Variants in PSD3 observed in about 807,000 individuals in gnomAD.
PSD3 encodes the protein pleckstrin and Sec7 domain containing 3.
In PSD3, 49 loss-of-function variants were observed where a neutral mutation model predicts 105.5. The ratio of observed to expected loss-of-function variants is 0.46; its 90% CI spans 0.37 to 0.59. The LOEUF (loss-of-function observed/expected upper bound fraction) is 0.59. Ranked by LOEUF, PSD3 falls within the 20% of genes least tolerant of loss-of-function variation. PSD3 has a pLI of 0.00. For synonymous variants in PSD3, 557 were observed against 457.8 expected, an observed-to-expected ratio of 1.22 and a Z score of -2.77; for missense variants, 1,561 against 1,263.8, an observed-to-expected ratio of 1.24 and a Z score of -3.57.
At position 18,552,217 on chromosome 8, in the gene PSD3, A is replaced by C. The variant is rs1800810672; in HGVS notation, c.2928+3992T>G. ...AATTCCCCTGTAGTAAATCTCTTGT[A>C]GCCCAGTCATGGATTTAATAGGCTT... On this transcript the variant is annotated intron_variant, in intron 15 of 15. Coordinates refer to ENST00000327040, the MANE Select transcript of PSD3 (RefSeq NM_015310.4). Among the ~76,000 whole-genome samples the C allele has an allele frequency of 2.0e-5, 3 of 152,176 alleles. No individual in the cohort carries two copies. The South Asian group carries it at 6.2e-4, about 31-fold the overall frequency.
intron 4 of PSD3, among the ~76,000 whole-genome samples, chr8:18,831,943 T>A (rs565473281): frequency 6.6e-6 from 1 of 152,128 alleles, no homozygotes; most frequent in South Asian, 2.1e-4. Context: ...AAGTTTACTA[T>A]AACTTGAGAA....
At chr8:18,801,232 G>C (rs1487790107) in intron 7 of PSD3, 38 bp downstream of exon 7, 3 of 1,261,786 alleles carry the variant, frequency 2.4e-6, no homozygotes, top group Admixed American at 2.1e-5. Flanking sequence ...AATAACCATT[G>C]ATATAAAAAA....
intron 1 of PSD3, among the ~76,000 whole-genome samples, chr8:18,967,398 A>G (rs1824341267): frequency 6.6e-6 from 1 of 151,446 alleles, no homozygotes; most frequent in African/African-American, 2.4e-5. Flanking sequence ...AAGGTGATCC[A>G]CTCCCAAAGT....
At chr8:18,860,728 T>A (rs1319766463) in intron 4 of PSD3, among the ~76,000 whole-genome samples, 1 of 152,214 alleles carries the variant, frequency 6.6e-6, no homozygotes, top group African/African-American at 2.4e-5. Context: ...AATATGGTGC[T>A]AAGAGACCTC....
At chr8:18,976,913 T>G (rs10435705) in intron 1 of PSD3, among the ~76,000 whole-genome samples, 44,116 of 152,068 alleles carry the variant, frequency 0.29, 7,188 homozygotes, top group Non-Finnish European at 0.37. Flanking sequence ...GTGGCTGTTA[T>G]AGAGAATGAG....
intron 4 of PSD3, among the ~76,000 whole-genome samples, chr8:18,857,054 G>T (rs1444434739): frequency 6.6e-6 from 1 of 152,156 alleles, no homozygotes; most frequent in Non-Finnish European, 1.5e-5. Context: ...ATATAGTTTG[G>T]AGGGACTCCC....
At chr8:18,731,580 A>G (rs1200381321) in intron 9 of PSD3, among the ~76,000 whole-genome samples, 1 of 152,206 alleles carries the variant, frequency 6.6e-6, no homozygotes, top group African/African-American at 2.4e-5. Context: ...GAAACAATAA[A>G]TCTTTTAAGT....
chr8:18,828,067 A>ATATATTTTTTT (rs371473289), intron 4 of PSD3, among the ~76,000 whole-genome samples: 1 of 118,896 alleles, frequency 8.4e-6, no homozygotes, highest in African/African-American at 3.5e-5. Flanking sequence ...ATATATATAT[A>ATATATTTTTTT]TTTTTTTTTT....
At chr8:18,792,471 C>T (rs1405018365) in intron 8 of PSD3, among the ~76,000 whole-genome samples, 27 of 152,124 alleles carry the variant, frequency 1.8e-4, no homozygotes, top group Admixed American at 1.7e-3. Context: ...AACAGAAAAC[C>T]AATTACCATG....
At chr8:18,834,825 T>C (rs1813972149) in intron 4 of PSD3, among the ~76,000 whole-genome samples, 1 of 152,180 alleles carries the variant, frequency 6.6e-6, no homozygotes, top group South Asian at 2.1e-4. Flanking sequence ...ATCCTGTTCT[T>C]GGATATAAAC....
At chr8:19,066,933 T>G (rs925889918) in intron 1 of PSD3, among the ~76,000 whole-genome samples, 1 of 152,234 alleles carries the variant, frequency 6.6e-6, no homozygotes, top group Admixed American at 6.5e-5. Flanking sequence ...ACTCATCATT[T>G]TTTTATTATT....
intron 14 of PSD3, among the ~76,000 whole-genome samples, chr8:18,557,831 C>T (rs1210446335): frequency 1.3e-5 from 2 of 152,218 alleles, no homozygotes; most frequent in Non-Finnish European, 2.9e-5. Flanking sequence ...TCTTACTCAT[C>T]TATTACTTTC....
rs1025999402 is a variant in PSD3 at position 18,586,900 on chromosome 8, A to G, written c.2482-11615T>C. 1.6e-4 allele frequency among the ~76,000 whole-genome samples: 24 copies of G among 152,180 alleles called. 1 individual carries two copies. Among genetic ancestry groups the G allele is most frequent in the Non-Finnish European group, 1.5e-5 (1 of 68,038 alleles). On this transcript the variant is annotated intron_variant, in intron 12 of 15. Coordinates refer to ENST00000327040, the MANE Select transcript of PSD3 (RefSeq NM_015310.4). ...GTGTGGAGAAAGAGAGAATGGATGT[A>G]GAGCCTGAGTGTGCTAGTGAGGCCC...
At chr8:19,074,615 T>A (rs866779463) in intron 1 of PSD3, among the ~76,000 whole-genome samples, 352 of 8,562 alleles carry the variant, frequency 0.041, 1 homozygote, top group South Asian at 0.076. Context: ...ATATATATTT[T>A]TTTTTTTTTT....
At chr8:18,942,351 C>T (rs1822599440) in intron 1 of PSD3, among the ~76,000 whole-genome samples, 1 of 152,204 alleles carries the variant, frequency 6.6e-6, no homozygotes, top group Non-Finnish European at 1.5e-5. Context: ...TCAATCCTAT[C>T]TGCTCCCATT....
intron 1 of PSD3, among the ~76,000 whole-genome samples, chr8:18,955,343 G>A (rs1035188566): frequency 6.6e-6 from 1 of 152,084 alleles, no homozygotes; most frequent in African/African-American, 2.4e-5. Flanking sequence ...AGGACTCAAG[G>A]GATCCTCCCT....
intron 12 of PSD3, among the ~76,000 whole-genome samples, chr8:18,584,847 T>C (rs1327040638): frequency 6.6e-6 from 1 of 152,186 alleles, no homozygotes; most frequent in Non-Finnish European, 1.5e-5. Flanking sequence ...GGAACGGGTA[T>C]GTAGAGCCTA....
intron 12 of PSD3, among the ~76,000 whole-genome samples, chr8:18,589,314 C>G (rs1303273498): frequency 6.6e-6 from 1 of 152,158 alleles, no homozygotes; most frequent in African/African-American, 2.4e-5. Flanking sequence ...TCCATTTCTC[C>G]CTTGTCATGA....
intron 2 of PSD3, among the ~76,000 whole-genome samples, chr8:18,917,743 C>G (rs1392867499): frequency 6.6e-6 from 1 of 152,064 alleles, no homozygotes; most frequent in Non-Finnish European, 1.5e-5. Context: ...ACGTGGAGCT[C>G]AAGCAAACAC....
Sources: gnomAD v4.1 joint callset for allele counts (sites outside exome capture counted in the v4.1 genomes callset) on GRCh38, gnomAD v4.1.1 for gene constraint, MANE v1.5 for transcripts, NCBI Gene and HGNC (gene_info 2026-07-23, HGNC 2026-07-21) for gene names.